CEP83: variants seen among roughly 807,000 people sequenced by gnomAD.
CEP83 encodes the protein centrosomal protein 83, also known as centrosomal protein of 83 kDa.
CEP83 carries 70 observed loss-of-function variants against 101.9 expected under a neutral mutation model. The observed-to-expected ratio is 0.69, with a 90% confidence interval of 0.57 to 0.84. The LOEUF is 0.84. Among genes scored for constraint, CEP83 ranks in the 40% least tolerant of loss-of-function variants. The pLI is 0.00. For synonymous variants in CEP83, 264 were observed against 267.9 expected (o/e 0.99, Z 0.14); for missense variants, 715 against 787.2 (o/e 0.91, Z 1.10).
intron 15 of CEP83, chr12:94,312,713 G>A: frequency 2.0e-6 from 2 of 985,244 alleles, no homozygotes; most frequent in Non-Finnish European, 2.4e-6. Flanking sequence ...GCAAACACCT[G>A]GTATGTGACA....
the CEP83 span, chr12:94,298,839 C>T: frequency 6.5e-7 from 1 of 1,542,382 alleles, no homozygotes; most frequent in African/African-American, 1.4e-5. Flanking sequence ...GAATCTGGGA[C>T]AGAATATTAA....
the CEP83 span, among the ~76,000 whole-genome samples, chr12:94,287,222 A>G: frequency 6.6e-6 from 1 of 152,226 alleles, no homozygotes; most frequent in South Asian, 2.1e-4. Flanking sequence ...GTCTTTACAC[A>G]TGAAGCCAGA....
At chr12:94,283,063 T>C in the CEP83 span, among the ~76,000 whole-genome samples, 2 of 152,166 alleles carry the variant, frequency 1.3e-5, no homozygotes, top group Admixed American at 1.3e-4. Context: ...CTTTGTTGAA[T>C]ATCCACTCTG....
intron 1 of CEP83, among the ~76,000 whole-genome samples, chr12:94,435,729 C>A (rs368938709): frequency 1.3e-5 from 2 of 152,214 alleles, no homozygotes; most frequent in East Asian, 3.9e-4. Flanking sequence ...TCTGTTCCAA[C>A]GGAGAAAACA....
intron 6 of CEP83, among the ~76,000 whole-genome samples, chr12:94,389,372 TTAAG>T (rs1446971482): frequency 6.6e-6 from 1 of 152,240 alleles, no homozygotes; most frequent in Non-Finnish European, 1.5e-5. Flanking sequence ...ATACCATTAA[TTAAG>T]TATCTACTAT....
chr12:94,284,800 G>C, the CEP83 span, among the ~76,000 whole-genome samples: 2 of 152,156 alleles, frequency 1.3e-5, no homozygotes, highest in South Asian at 4.2e-4. Context: ...CACACAGATG[G>C]GGGCAGCCTC....
the CEP83 span, among the ~76,000 whole-genome samples, chr12:94,270,759 A>G: frequency 0.027 from 3,846 of 142,910 alleles, 172 homozygotes; most frequent in African/African-American, 0.091. Flanking sequence ...AATTATCTCC[A>G]TTACTTTTTT....
chr12:94,332,434 T>C (rs2059263844), intron 13 of CEP83, among the ~76,000 whole-genome samples: 1 of 152,228 alleles, frequency 6.6e-6, no homozygotes, highest in South Asian at 2.1e-4. Flanking sequence ...GTTAGATTAC[T>C]TGCCTAAGGT....
At chr12:94,390,472 TCAA>T (rs1566064042) in intron 6 of CEP83, among the ~76,000 whole-genome samples, 1 of 151,616 alleles carries the variant, frequency 6.6e-6, no homozygotes, top group Non-Finnish European at 1.5e-5. Flanking sequence ...CATCTTTAGG[TCAA>T]CAACATCAAA....
intron 4 of CEP83, among the ~76,000 whole-genome samples, chr12:94,405,507 C>T (rs2063485167): frequency 6.6e-6 from 1 of 152,126 alleles, no homozygotes; most frequent in Admixed American, 6.5e-5. Flanking sequence ...ATGATGGGTA[C>T]ATGGGAATGC....
At chr12:94,278,732 T>C in the CEP83 span, among the ~76,000 whole-genome samples, 2 of 152,142 alleles carry the variant, frequency 1.3e-5, no homozygotes, top group African/African-American at 4.8e-5. Context: ...GCACAGTGGC[T>C]CACGCCTGTA....
At chr12:94,282,199 T>C in the CEP83 span, 3 of 785,966 alleles carry the variant, frequency 3.8e-6, no homozygotes, top group South Asian at 4.8e-5. Flanking sequence ...CAAACAAAGA[T>C]TTACCACTTT....
At chr12:94,358,014 G>C (rs1473383025) in intron 11 of CEP83, among the ~76,000 whole-genome samples, 1 of 152,142 alleles carries the variant, frequency 6.6e-6, no homozygotes, top group East Asian at 1.9e-4. Context: ...TTGAAGGAAA[G>C]AAATGTAAAG....
chr12:94,454,464 C>T (rs1021814530), intron 1 of CEP83, among the ~76,000 whole-genome samples: 11 of 152,238 alleles, frequency 7.2e-5, no homozygotes, highest in Middle Eastern at 6.8e-3. Flanking sequence ...GGTTTGTAAA[C>T]GCACCAATCA....
chr12:94,358,683 T>C (rs2060596341), intron 11 of CEP83, among the ~76,000 whole-genome samples: 1 of 152,222 alleles, frequency 6.6e-6, no homozygotes, highest in Non-Finnish European at 1.5e-5. Flanking sequence ...TTATACAACC[T>C]ATGGGAGCAT....
chr12:94,285,603 G>C, the CEP83 span, among the ~76,000 whole-genome samples: 2 of 152,138 alleles, frequency 1.3e-5, no homozygotes, highest in South Asian at 4.1e-4. Context: ...CTAAAAGTGT[G>C]CATTCTTGGG....
intron 11 of CEP83, among the ~76,000 whole-genome samples, chr12:94,356,089 T>C (rs984049036): frequency 1.3e-5 from 2 of 152,116 alleles, no homozygotes; most frequent in Non-Finnish European, 2.9e-5. Flanking sequence ...CGCCCATTCA[T>C]GGGGGCTCGA....
At chr12:94,308,982 T>G in intron 16 of CEP83, 65 bp from the exon 17 acceptor site, 4 of 1,076,636 alleles carry the variant, frequency 3.7e-6, no homozygotes, top group Non-Finnish European at 5.7e-6. Context: ...GTAGCAACCT[T>G]GGACTGCCTC....
intron 11 of CEP83, among the ~76,000 whole-genome samples, chr12:94,351,449 T>A (rs559472455): frequency 6.6e-6 from 1 of 152,264 alleles, no homozygotes; most frequent in South Asian, 2.1e-4. Flanking sequence ...TCAACAGACC[T>A]GGTATTTCCA....
Sources: gnomAD v4.1 joint callset for allele counts (sites outside exome capture counted in the v4.1 genomes callset) on GRCh38, gnomAD v4.1.1 for gene constraint, MANE v1.5 for transcripts, NCBI Gene and HGNC (gene_info 2026-07-23, HGNC 2026-07-21) for gene names.